DCLK1: variants seen among roughly 807,000 people sequenced by gnomAD.
DCLK1 encodes serine/threonine-protein kinase DCLK1.
In DCLK1, 16 loss-of-function variants were observed where a neutral mutation model predicts 86.2. The ratio of observed to expected loss-of-function variants is 0.19; its 90% CI spans 0.13 to 0.28. DCLK1 has a LOEUF of 0.28. DCLK1 is among the 10% of genes least tolerant of loss of function. The pLI, the probability that DCLK1 is intolerant of heterozygous loss-of-function variation, is 1.00. For synonymous variants in DCLK1, 369 were observed against 370.5 expected, an observed-to-expected ratio of 1.00 and a Z score of 0.05; for missense variants, 590 against 940.2, an observed-to-expected ratio of 0.63 and a Z score of 4.87.
chr13:36,076,904 T>C (rs1884233630), intron 3 of DCLK1, among the ~76,000 whole-genome samples: 1 of 152,248 alleles, frequency 6.6e-6, no homozygotes, highest in Non-Finnish European at 1.5e-5. Flanking sequence ...TTCTTTCACA[T>C]ATTTTAAAGA....
intron 4 of DCLK1, among the ~76,000 whole-genome samples, chr13:35,896,538 C>A (rs1220145817): frequency 5.8e-3 from 247 of 42,484 alleles, no homozygotes; most frequent in Middle Eastern, 0.062. Flanking sequence ...AATTCCACCT[C>A]AAAAAAAAAA....
intron 8 of DCLK1, among the ~76,000 whole-genome samples, chr13:35,831,598 T>C (rs1453144778): frequency 6.6e-6 from 1 of 152,104 alleles, no homozygotes; most frequent in Non-Finnish European, 1.5e-5. Flanking sequence ...AAGGTGTCTA[T>C]GTTTGAGTGT....
intron 5 of DCLK1, among the ~76,000 whole-genome samples, chr13:35,858,688 G>T (rs1024096500): frequency 6.6e-6 from 1 of 152,012 alleles, no homozygotes; most frequent in African/African-American, 2.4e-5. Flanking sequence ...GCCATTAAAA[G>T]TAAAGCAAAA....
chr13:35,887,848 A>G (rs1460955306), intron 4 of DCLK1, among the ~76,000 whole-genome samples: 1 of 130,782 alleles, frequency 7.6e-6, no homozygotes, highest in African/African-American at 2.8e-5. Context: ...CCAGGAATTC[A>G]AGCTTGGACA....
chr13:35,938,993 C>T (rs1876930044), intron 4 of DCLK1, among the ~76,000 whole-genome samples: 1 of 152,166 alleles, frequency 6.6e-6, no homozygotes, highest in Non-Finnish European at 1.5e-5. Context: ...CTAGCTGGAG[C>T]TTGAGTTAGA....
At chr13:35,847,888 T>C (rs1249800222) in intron 6 of DCLK1, 1 of 985,292 alleles carries the variant, frequency 1.0e-6, no homozygotes, top group Non-Finnish European at 1.2e-6. Context: ...GTCTAGATTT[T>C]TCCCCCTGCC....
intron 3 of DCLK1, among the ~76,000 whole-genome samples, chr13:36,005,001 G>A (rs1007880847): frequency 1.3e-5 from 2 of 152,132 alleles, no homozygotes; most frequent in Non-Finnish European, 2.9e-5. Context: ...AAATAAAATT[G>A]TGGCACTGAA....
intron 5 of DCLK1, among the ~76,000 whole-genome samples, chr13:35,867,903 G>GAA (rs1437675469): frequency 1.1e-5 from 1 of 90,554 alleles, no homozygotes; most frequent in East Asian, 3.4e-4. Flanking sequence ...AAGAGAGAAA[G>GAA]AAAGAAAAAG....
intron 5 of DCLK1, chr13:35,855,905 A>G: frequency 2.9e-6 from 3 of 1,036,212 alleles, no homozygotes; most frequent in Non-Finnish European, 3.5e-6. Context: ...GAAAATCGAA[A>G]TGACAATAAC....
chr13:36,102,744 G>A (rs1466405013), intron 3 of DCLK1, among the ~76,000 whole-genome samples: 1 of 152,212 alleles, frequency 6.6e-6, no homozygotes, highest in African/African-American at 2.4e-5. Flanking sequence ...GATGGAGTCT[G>A]AGATAATTTT....
In DCLK1 at chr13:36,053,638, T is replaced by TAA. The variant is rs879886155; in HGVS notation, c.723+58230_723+58231insTT. 2.6e-5 allele frequency among the ~76,000 whole-genome samples: 4 copies of TAA among 151,296 alleles called. No homozygotes were observed. In the Admixed American group the frequency reaches 2.6e-4, roughly 10 times the overall value. On this transcript the variant is annotated intron_variant, in intron 3 of 16. Transcript: ENST00000360631. ...TATATAGTATCACGATATATATATA[T>TAA]ATAAATTATATGTATTATATATTGT...
chr13:35,993,895 C>T (rs192759364), intron 3 of DCLK1, among the ~76,000 whole-genome samples: 6 of 151,538 alleles, frequency 4.0e-5, no homozygotes, highest in Admixed American at 2.6e-4. Context: ...TATTTCATTT[C>T]CTCTCTTCAA....
intron 3 of DCLK1, among the ~76,000 whole-genome samples, chr13:36,009,792 T>C (rs1030866309): frequency 1.3e-4 from 16 of 118,658 alleles, no homozygotes; most frequent in African/African-American, 4.4e-4. Context: ...GGGGATGGCA[T>C]TGAATCTGTA....
chr13:35,803,199 T>A (rs2086957554), intron 15 of DCLK1, among the ~76,000 whole-genome samples: 1 of 152,176 alleles, frequency 6.6e-6, no homozygotes, highest in Non-Finnish European at 1.5e-5. Context: ...ATAGCCTTAG[T>A]CTCCTCATCT....
intron 3 of DCLK1, among the ~76,000 whole-genome samples, chr13:35,981,323 T>C (rs1372066317): frequency 6.6e-6 from 1 of 152,058 alleles, no homozygotes; most frequent in Non-Finnish European, 1.5e-5. Context: ...TTTTAAAAAA[T>C]ATATACTTTT....
chr13:35,784,800 C>A (rs1215192609), intron 16 of DCLK1, among the ~76,000 whole-genome samples: 2 of 152,114 alleles, frequency 1.3e-5, no homozygotes, highest in Non-Finnish European at 2.9e-5. Flanking sequence ...CACCGAGCAA[C>A]CTGCAATGCA....
At chr13:35,809,442 A>G (rs1180929202) in intron 12 of DCLK1, among the ~76,000 whole-genome samples, 1 of 152,206 alleles carries the variant, frequency 6.6e-6, no homozygotes, top group African/African-American at 2.4e-5. Flanking sequence ...CCCTCACTTT[A>G]GGAATAATAA....
At chr13:35,922,095 G>A (rs566978388) in intron 4 of DCLK1, among the ~76,000 whole-genome samples, 17 of 152,180 alleles carry the variant, frequency 1.1e-4, no homozygotes, top group South Asian at 2.1e-4. Flanking sequence ...TAGGTAGGGC[G>A]GTTTTTGTTT....
intron 8 of DCLK1, among the ~76,000 whole-genome samples, chr13:35,831,583 T>C (rs1868966015): frequency 6.6e-6 from 1 of 152,112 alleles, no homozygotes; most frequent in Admixed American, 6.6e-5. Context: ...CTGATCCTTG[T>C]CTTTAAGGTG....
Sources: gnomAD v4.1 joint callset for allele counts (sites outside exome capture counted in the v4.1 genomes callset) on GRCh38, gnomAD v4.1.1 for gene constraint, MANE v1.5 for transcripts, NCBI Gene and HGNC (gene_info 2026-07-23, HGNC 2026-07-21) for gene names.